Variants in DTNB observed in about 807,000 individuals in gnomAD.
DTNB encodes dystrobrevin beta.
A neutral mutation model predicts 90.7 loss-of-function variants in DTNB; 63 were observed. That is an observed-to-expected ratio of 0.69 (90% CI 0.57 to 0.86). The LOEUF (loss-of-function observed/expected upper bound fraction) is 0.86, where lower values mean the gene tolerates loss of function less well. Among genes scored for constraint, DTNB ranks in the 40% least tolerant of loss-of-function variants. DTNB has a pLI of 0.00. For missense variants in DTNB, 744 were observed against 807.1 expected (o/e 0.92, Z 0.95); for synonymous variants, 277 against 286.7 (o/e 0.97, Z 0.34).
chr2:25,574,141 C>T (rs990407750), intron 8 of DTNB, among the ~76,000 whole-genome samples: 2 of 152,208 alleles, frequency 1.3e-5, no homozygotes, highest in Non-Finnish European at 2.9e-5. Flanking sequence ...GTAGTCTAGA[C>T]ATGTGCCAAC....
Position 25,527,911 on chromosome 2 carries a change from A to G in DTNB, c.1001+3562T>C, listed in dbSNP as rs140761313. Among the ~76,000 whole-genome samples, 652 of 152,270 alleles carry G rather than the reference A, an allele frequency of 4.3e-3. 4 individuals are homozygous for G. Among genetic ancestry groups the G allele is most frequent in the African/African-American group, 0.015 (612 of 41,562 alleles). On this transcript the variant is annotated intron_variant, in intron 9 of 20. Transcript: ENST00000406818. Reference sequence around the variant, plus strand: ...AATGCTCCCCCATTTTGCAAGAATCACACACTGGGTGATAAAAACAACAAA... The same window carrying G: ...AATGCTCCCCCATTTTGCAAGAATCGCACACTGGGTGATAAAAACAACAAA...
At chr2:25,598,678 G>A (rs2065156832) in intron 5 of DTNB, 1 of 152,174 alleles carries the variant, frequency 6.6e-6, no homozygotes, top group Non-Finnish European at 1.5e-5. Context: ...ACATTTGGAA[G>A]CTAGGCCTTG....
chr2:25,647,007 TA>T (rs374215947), intron 2 of DTNB, among the ~76,000 whole-genome samples: 2 of 152,232 alleles, frequency 1.3e-5, no homozygotes, highest in Non-Finnish European at 2.9e-5. Context: ...AGTTTTTTTC[TA>T]AATATTCTAG....
At chr2:25,402,701 C>T (rs971121368) in intron 16 of DTNB, among the ~76,000 whole-genome samples, 1 of 152,186 alleles carries the variant, frequency 6.6e-6, no homozygotes, top group Non-Finnish European at 1.5e-5. Context: ...TCATGCATAA[C>T]CTGTCACTCA....
At chr2:25,588,249 C>G (rs557184940) in intron 6 of DTNB, among the ~76,000 whole-genome samples, 8 of 152,182 alleles carry the variant, frequency 5.3e-5, no homozygotes, top group African/African-American at 1.9e-4. Context: ...GGAATTCCTC[C>G]AATGCTGAAT....
At chr2:25,625,551 A>ATTTTTTTTTTTTTTTTT (rs66586812) in intron 4 of DTNB, among the ~76,000 whole-genome samples, 20 of 73,960 alleles carry the variant, frequency 2.7e-4, no homozygotes, top group Non-Finnish European at 3.3e-4. Flanking sequence ...TAACTCACTC[A>ATTTTTTTTTTTTTTTTT]TTTTTTTTTT....
chr2:25,465,756 C>T (rs2150247707), intron 10 of DTNB, among the ~76,000 whole-genome samples: 1 of 152,306 alleles, frequency 6.6e-6, no homozygotes, highest in East Asian at 1.9e-4. Context: ...AGTCGTCTCT[C>T]CGGAGGGTCC....
At chr2:25,417,681 G>T (rs1207064106) in intron 16 of DTNB, among the ~76,000 whole-genome samples, 3 of 152,114 alleles carry the variant, frequency 2.0e-5, no homozygotes, top group Admixed American at 2.0e-4. Context: ...GTGCATCTCT[G>T]GGGTATGGAG....
At chr2:25,643,339 C>T (rs1192779588) in intron 2 of DTNB, among the ~76,000 whole-genome samples, 1 of 152,228 alleles carries the variant, frequency 6.6e-6, no homozygotes, top group Non-Finnish European at 1.5e-5. Flanking sequence ...GTGGCTCCTA[C>T]TGCACTGTCA....
chr2:25,520,093 A>G (rs961884094), intron 9 of DTNB, among the ~76,000 whole-genome samples: 1 of 152,244 alleles, frequency 6.6e-6, no homozygotes, highest in African/African-American at 2.4e-5. Context: ...TTGGCTTATT[A>G]AAGTTGTAGG....
At chr2:25,618,453 A>G (rs1303047623) in intron 4 of DTNB, among the ~76,000 whole-genome samples, 1 of 152,220 alleles carries the variant, frequency 6.6e-6, no homozygotes, top group Non-Finnish European at 1.5e-5. Context: ...ACCAATGTCC[A>G]TGTTTTCACT....
At chr2:25,518,405 T>C (rs1427969694) in intron 9 of DTNB, among the ~76,000 whole-genome samples, 2 of 152,020 alleles carry the variant, frequency 1.3e-5, no homozygotes, top group Non-Finnish European at 2.9e-5. Context: ...AGCTTGATGG[T>C]TCTGAGTTTT....
At chr2:25,428,515 C>T (rs2052670269) in intron 14 of DTNB, among the ~76,000 whole-genome samples, 1 of 151,534 alleles carries the variant, frequency 6.6e-6, no homozygotes, top group Non-Finnish European at 1.5e-5. Context: ...TCAACTGCAA[C>T]CTCCGCTTCC....
At position 25,647,670 on chromosome 2, in the gene DTNB, T is replaced by C. The variant is rs191353456; in HGVS notation, c.67+4924A>G. On this transcript the variant is annotated intron_variant, in intron 2 of 20. Coordinates refer to ENST00000406818, the MANE Select transcript of DTNB (RefSeq NM_021907.5). ...TGGGAGGATCGCTTGAGCCTTGGAG[T>C]TCAAGACCAGCCTGGGCAACAGAGC... Among the ~76,000 whole-genome samples, 360 of 151,566 alleles carry C rather than the reference T, an allele frequency of 2.4e-3. 3 individuals carry two copies. Among genetic ancestry groups the C allele is most frequent in the African/African-American group, 8.2e-3 (337 of 41,304 alleles).
At chr2:25,413,718 T>C (rs1450369665) in intron 16 of DTNB, among the ~76,000 whole-genome samples, 1 of 152,196 alleles carries the variant, frequency 6.6e-6, no homozygotes, top group Non-Finnish European at 1.5e-5. Context: ...TTTGCTATTG[T>C]GAATATTGCC....
At chr2:25,642,941 C>T (rs765290343) in intron 2 of DTNB, among the ~76,000 whole-genome samples, 2 of 151,896 alleles carry the variant, frequency 1.3e-5, no homozygotes, top group African/African-American at 2.4e-5. Context: ...TTAGTAGAGA[C>T]GGGGTTTCAC....
chr2:25,637,213 T>C (rs1573844943), intron 3 of DTNB, among the ~76,000 whole-genome samples: 1 of 152,246 alleles, frequency 6.6e-6, no homozygotes, highest in East Asian at 1.9e-4. Flanking sequence ...TAATTCAAGA[T>C]GGATTAAAGA....
intron 12 of DTNB, among the ~76,000 whole-genome samples, chr2:25,437,463 T>C (rs945564919): frequency 6.6e-6 from 1 of 152,128 alleles, no homozygotes; most frequent in Non-Finnish European, 1.5e-5. Context: ...GGTTTCACCA[T>C]GTTGGCTAGG....
chr2:25,650,778 T>C (rs2080743085), intron 2 of DTNB, among the ~76,000 whole-genome samples: 1 of 152,226 alleles, frequency 6.6e-6, no homozygotes, highest in South Asian at 2.1e-4. Flanking sequence ...CCGGCCAACA[T>C]GGTGAAACCC....
Sources: allele counts gnomAD v4.1 joint callset (sites outside exome capture counted in the v4.1 genomes callset), GRCh38; gene constraint gnomAD v4.1.1; transcripts MANE v1.5; gene names NCBI Gene and HGNC (gene_info 2026-07-23, HGNC 2026-07-21).